Variants in MYO1B observed in about 807,000 individuals in gnomAD.
MYO1B encodes unconventional myosin-Ib.
MYO1B carries 72 observed loss-of-function variants against 159.7 expected under a neutral mutation model. The observed-to-expected ratio is 0.45, with a 90% CI of 0.37 to 0.55. The LOEUF is 0.55. Ranked by LOEUF, MYO1B falls within the 20% of genes least tolerant of loss-of-function variation. The pLI is 0.00. For synonymous variants in MYO1B, 468 were observed against 473.8 expected, an observed-to-expected ratio of 0.99 and a Z score of 0.16; for missense variants, 1,062 against 1,364.8, an observed-to-expected ratio of 0.78 and a Z score of 3.50.
At chr2:191,289,380 G>T (rs930064321) in intron 2 of MYO1B, among the ~76,000 whole-genome samples, 2 of 152,122 alleles carry the variant, frequency 1.3e-5, no homozygotes, top group Non-Finnish European at 2.9e-5. Flanking sequence ...TAATGTGGTC[G>T]TATCACTTAA....
intron 1 of MYO1B, among the ~76,000 whole-genome samples, chr2:191,265,668 A>G (rs1343354088): frequency 6.6e-6 from 1 of 152,176 alleles, no homozygotes; most frequent in East Asian, 1.9e-4. Flanking sequence ...TTGCCAATCT[A>G]AACACATTGA....
chr2:191,417,138 C>T (rs186093961), intron 30 of MYO1B, among the ~76,000 whole-genome samples: 7 of 152,298 alleles, frequency 4.6e-5, no homozygotes, highest in African/African-American at 1.2e-4. Flanking sequence ...TGTTTCAACT[C>T]TTCCTAAAAG....
intron 23 of MYO1B, chr2:191,402,012 AT>A (rs1696645765): frequency 6.5e-6 from 1 of 152,994 alleles, no homozygotes; most frequent in Non-Finnish European, 1.5e-5. Context: ...GTCTTCCTGT[AT>A]ATTTTACTTT....
intron 1 of MYO1B, among the ~76,000 whole-genome samples, chr2:191,260,365 T>C (rs1283869408): frequency 6.6e-6 from 1 of 151,174 alleles, no homozygotes; most frequent in Admixed American, 6.6e-5. Context: ...TGTATGTATG[T>C]GTTATTTAAA....
At chr2:191,400,864 A>C (rs926001193) in intron 23 of MYO1B, 29 bp downstream of exon 23, 1 of 1,601,538 alleles carries the variant, frequency 6.2e-7, no homozygotes, top group Admixed American at 1.7e-5. Flanking sequence ...CCAACACTCC[A>C]TCCTGGAATT....
At chr2:191,369,977 G>T (rs1303008721) in intron 12 of MYO1B, among the ~76,000 whole-genome samples, 1 of 152,146 alleles carries the variant, frequency 6.6e-6, no homozygotes, top group African/African-American at 2.4e-5. Flanking sequence ...TTACTAAAAT[G>T]AGAGTGTTGG....
At chr2:191,363,111 A>G (rs1045168107) in intron 9 of MYO1B, among the ~76,000 whole-genome samples, 1 of 152,220 alleles carries the variant, frequency 6.6e-6, no homozygotes, top group Non-Finnish European at 1.5e-5. Flanking sequence ...TGTTCTCAAA[A>G]AGAAAGTATC....
intron 3 of MYO1B, among the ~76,000 whole-genome samples, chr2:191,318,725 A>G (rs1219501073): frequency 1.3e-5 from 2 of 152,198 alleles, no homozygotes; most frequent in Non-Finnish European, 2.9e-5. Flanking sequence ...ATTTTCTTGT[A>G]GCCACTTCTG....
intron 30 of MYO1B, among the ~76,000 whole-genome samples, chr2:191,417,679 C>G (rs983734458): frequency 2.0e-5 from 3 of 152,172 alleles, no homozygotes; most frequent in African/African-American, 7.2e-5. Flanking sequence ...AACCGGGATT[C>G]TAGGAACATT....
intron 1 of MYO1B, among the ~76,000 whole-genome samples, chr2:191,252,797 C>T (rs1686203151): frequency 6.6e-6 from 1 of 152,122 alleles, no homozygotes; most frequent in South Asian, 2.1e-4. Flanking sequence ...ATACTTGGTC[C>T]CCTGTGGACT....
intron 1 of MYO1B, chr2:191,247,977 G>T (rs575865763): frequency 1.0e-6 from 1 of 985,332 alleles, no homozygotes. Context: ...AAGGAGGAAC[G>T]TCTGACATCA....
At chr2:191,340,555 A>C (rs1692152342) in intron 4 of MYO1B, among the ~76,000 whole-genome samples, 1 of 152,196 alleles carries the variant, frequency 6.6e-6, no homozygotes, top group East Asian at 1.9e-4. Flanking sequence ...CATGTGGCCT[A>C]TTCTTTAGCA....
In MYO1B at chr2:191,383,361, T is replaced by C. The variant is rs569494823; in HGVS notation, c.1353+19T>C. 7.3e-6 allele frequency: 11 copies of C among 1,515,826 alleles called. No individual in the cohort carries two copies. The South Asian group carries it at 1.3e-4, about 18-fold the overall frequency. The allele number at this position is 1,515,826 out of a possible 1,614,324, so 93.9% of individuals were successfully genotyped here. On this transcript the variant is annotated intron_variant, in intron 15 of 30. Coordinates refer to ENST00000392318, the MANE Select transcript of MYO1B (RefSeq NM_001130158.3). ...AGAAAATGTGAGTACTTAGGTACAG[T>C]TTTCTAAAGAATGTTTTAGTCCTAT...
At chr2:191,329,443 A>T (rs1422126111) in intron 3 of MYO1B, among the ~76,000 whole-genome samples, 1 of 151,854 alleles carries the variant, frequency 6.6e-6, no homozygotes, top group African/African-American at 2.4e-5. Flanking sequence ...TCATATTGAA[A>T]CTTCAGTGTA....
In MYO1B at chr2:191,408,118, C is replaced by T. The variant is rs1192773713; in HGVS notation, c.2560C>T (p.Arg854Cys). 6.2e-7 allele frequency: 1 copy of T among 1,608,772 alleles called. No individual in the cohort carries two copies. The highest frequency in any genetic ancestry group is 1.1e-5 in the South Asian group (1 of 90,948). Residue 854 changes from arginine (R) to cysteine (C), a missense_variant, in exon 25 of 31, where the codon CGT (arginine) becomes TGT (cysteine). By Grantham distance (180) the Arg-to-Cys change is radical. This residue lies in a region of MYO1B where 609 missense variants were observed against 744.4 expected (regional missense o/e 0.82). Transcript: ENST00000392318. ...IWAYWLGLKVRREYRKFFRAN... is the reference protein window; with the variant it reads ...IWAYWLGLKVCREYRKFFRAN... ...AACCTACATCTTCTTTTTAAAGGTA[C>T]GTAGAGAATACAGGAAATTCTTCAG...
intron 3 of MYO1B, among the ~76,000 whole-genome samples, chr2:191,307,195 A>C (rs188502150): frequency 3.5e-4 from 53 of 151,556 alleles, no homozygotes; most frequent in African/African-American, 1.3e-3. Context: ...GTTTTCCGGG[A>C]AAGGGATGGG....
chr2:191,388,025 T>A (rs1316396602), intron 17 of MYO1B: 1 of 157,846 alleles, frequency 6.3e-6, no homozygotes, highest in Non-Finnish European at 1.4e-5. Context: ...GGCTCACACC[T>A]ATAATCCCAA....
At chr2:191,334,435 A>G (rs895167449) in intron 4 of MYO1B, among the ~76,000 whole-genome samples, 2 of 152,206 alleles carry the variant, frequency 1.3e-5, no homozygotes, top group African/African-American at 4.8e-5. Context: ...TTCTTAGGAA[A>G]AAAAATAACT....
chr2:191,287,027 ATTT>A (rs1688415440), intron 2 of MYO1B, among the ~76,000 whole-genome samples: 1 of 152,200 alleles, frequency 6.6e-6, no homozygotes, highest in African/African-American at 2.4e-5. Context: ...GTATTAACAT[ATTT>A]TATGTAGACT....
Sources: gnomAD v4.1 joint callset for allele counts (sites outside exome capture counted in the v4.1 genomes callset) on GRCh38, gnomAD v4.1.1 for gene constraint, gnomAD v4.1.1 regional missense constraint, MANE v1.5 for transcripts, NCBI Gene and HGNC (gene_info 2026-07-23, HGNC 2026-07-21) for gene names.